FLVCR2: variants seen among roughly 807,000 people sequenced by gnomAD.
FLVCR2 encodes the protein FLVCR choline and putative heme transporter 2.
In FLVCR2, 38 loss-of-function variants were observed where a neutral mutation model predicts 48.9. The observed-to-expected ratio is 0.78, with a 90% CI of 0.60 to 1.02. The LOEUF (loss-of-function observed/expected upper bound fraction) is 1.02, where lower values mean the gene tolerates loss of function less well. Among genes scored for constraint, FLVCR2 ranks in the 50% least tolerant of loss-of-function variants. FLVCR2 has a pLI of 0.00. For synonymous variants in FLVCR2, 255 were observed against 257.0 expected (o/e 0.99, Z 0.07); for missense variants, 664 against 663.3 (o/e 1.00, Z -0.01).
chr14:75,640,956 T>C lies in FLVCR2; in HGVS notation c.1237T>C (p.Phe413Leu). 4 of 1,612,340 alleles carry C rather than the reference T, an allele frequency of 2.5e-6. No homozygotes were observed. Among genetic ancestry groups the C allele is most frequent in the Non-Finnish European group, 3.4e-6 (4 of 1,178,402 alleles). Residue 413 changes from phenylalanine (F) to leucine (L), a missense_variant and splice_region_variant, in exon 7 of 10, where the codon TTC (phenylalanine) becomes CTC (leucine). Transcript: ENST00000238667. The stretch of plus-strand genomic sequence containing the variant: ...TTGTTTCTCTGGTCTGGTCTTCAGC[T>C]TCTTTATGACTGGCTATCTCCCACT... ...VVFITAGTMG[F>L]FMTGYLPLGF...
intron 1 of FLVCR2, among the ~76,000 whole-genome samples, chr14:75,601,890 T>TA (rs1316396260): frequency 3.3e-5 from 5 of 152,180 alleles, no homozygotes; most frequent in African/African-American, 1.2e-4. Context: ...ATGAAATATA[T>TA]AAAAAACTTC....
Position 75,578,624 on chromosome 14 carries a change from G to A in FLVCR2, c.-349G>A, listed in dbSNP as rs1731859931. 2.6e-6 allele frequency: 1 copy of A among 378,360 alleles called. No homozygotes were observed. The highest frequency in any genetic ancestry group is 5.0e-6 in the Non-Finnish European group (1 of 200,234). The allele number at this position is 378,360 out of a possible 1,614,324, so 23.4% of individuals were successfully genotyped here. ...GAGGCCCCAAGCTGGCCCGGGAGAG[G>A]ACTCTGCGGGCGAAGTGGCTGCGCA... On this transcript the variant is annotated 5_prime_UTR_variant, in exon 1 of 10. Transcript: ENST00000238667.
chr14:75,643,717 T>G (rs917933220), intron 9 of FLVCR2, among the ~76,000 whole-genome samples: 1 of 152,184 alleles, frequency 6.6e-6, no homozygotes, highest in Non-Finnish European at 1.5e-5. Flanking sequence ...TTTAATTCTG[T>G]GTCAGGGCCA....
chr14:75,581,217 C>T (rs1454948594), intron 1 of FLVCR2, among the ~76,000 whole-genome samples: 5 of 152,078 alleles, frequency 3.3e-5, no homozygotes, highest in Non-Finnish European at 5.9e-5. Flanking sequence ...ACGGAAGACA[C>T]AAGGTCTGAA....
chr14:75,631,869 T>A (rs961370912), intron 3 of FLVCR2: 2 of 455,780 alleles, frequency 4.4e-6, no homozygotes, highest in African/African-American at 4.0e-5. Context: ...TTGAATGAGA[T>A]GTTGCTGAGA....
intron 6 of FLVCR2, among the ~76,000 whole-genome samples, chr14:75,640,209 A>G (rs1890275443): frequency 6.7e-6 from 1 of 150,248 alleles, no homozygotes; most frequent in African/African-American, 2.4e-5. Flanking sequence ...CAGTGAGCCA[A>G]GATCGAACTA....
intron 1 of FLVCR2, among the ~76,000 whole-genome samples, chr14:75,606,940 T>C (rs923568872): frequency 2.0e-5 from 3 of 151,154 alleles, no homozygotes; most frequent in African/African-American, 7.3e-5. Flanking sequence ...TGAGACCCTG[T>C]CTTAAGAAAA....
At chr14:75,637,746 G>GAAAGA (rs1281809499) in intron 5 of FLVCR2, among the ~76,000 whole-genome samples, 12 of 146,114 alleles carry the variant, frequency 8.2e-5, no homozygotes, top group Non-Finnish European at 1.5e-4. Context: ...AAAAAAAAAA[G>GAAAGA]AAAGAAAAGA....
chr14:75,623,112 G>C (rs1458553495), intron 2 of FLVCR2, among the ~76,000 whole-genome samples: 2 of 152,140 alleles, frequency 1.3e-5, no homozygotes, highest in Non-Finnish European at 2.9e-5. Flanking sequence ...CTCTCGAGTA[G>C]CTGAGATTAC....
chr14:75,613,539 A>ATTTCTT (rs1269255813), intron 1 of FLVCR2, among the ~76,000 whole-genome samples: 5 of 151,622 alleles, frequency 3.3e-5, no homozygotes, highest in African/African-American at 7.3e-5. Flanking sequence ...TCAACATGAG[A>ATTTCTT]TTTCTTTTTC....
chr14:75,594,761 C>A (rs1288498649), intron 1 of FLVCR2, among the ~76,000 whole-genome samples: 2 of 151,750 alleles, frequency 1.3e-5, no homozygotes, highest in Non-Finnish European at 1.5e-5. Context: ...CACTCTGTCA[C>A]CAGCTTGGAG....
intron 1 of FLVCR2, among the ~76,000 whole-genome samples, chr14:75,616,026 C>CTAAA (rs1889605154): frequency 3.9e-5 from 1 of 25,618 alleles, no homozygotes; most frequent in Non-Finnish European, 6.5e-5. Context: ...GACTCCATCT[C>CTAAA]AAAAAAAAAA....
At chr14:75,588,466 C>T (rs961365572) in intron 1 of FLVCR2, among the ~76,000 whole-genome samples, 11 of 152,162 alleles carry the variant, frequency 7.2e-5, no homozygotes, top group Non-Finnish European at 1.5e-4. Flanking sequence ...ATTTCCAACA[C>T]ATGAACTTTT....
intron 4 of FLVCR2, among the ~76,000 whole-genome samples, chr14:75,634,195 T>G (rs1890109608): frequency 6.6e-6 from 1 of 152,152 alleles, no homozygotes; most frequent in Non-Finnish European, 1.5e-5. Context: ...AATACGGAGA[T>G]GCAACCCTCT....
chr14:75,591,076 C>T lies in FLVCR2; in HGVS notation c.669+11435C>T, dbSNP rs116024887. Among the ~76,000 whole-genome samples the T allele has an allele frequency of 2.8e-3, 420 of 152,336 alleles. 2 individuals carry two copies. The highest frequency in any genetic ancestry group is 9.5e-3 in the African/African-American group (394 of 41,574). On this transcript the variant is annotated intron_variant, in intron 1 of 9. Transcript: ENST00000238667. ...ATTACCATTCAAACATAGGGTCTTG[C>T]TCTTTCACCCAGGCTGGACTGCTGT...
In FLVCR2 at chr14:75,579,477, C is replaced by T. The variant is rs764338702; in HGVS notation, c.505C>T (p.Leu169=). Residue 169 remains leucine, a synonymous_variant, in exon 1 of 10, where the codon CTG becomes TTG. Transcript: ENST00000238667. ...ALNCLGAWVK[L]GSLKPHLFPV... ...CAACTGCCTGGGGGCCTGGGTGAAG[C>T]TGGGCAGCCTGAAGCCGCATCTCTT... 8 of 1,613,344 alleles carry T rather than the reference C, an allele frequency of 5.0e-6. No homozygotes were observed. Among genetic ancestry groups the T allele is most frequent in the South Asian group, 1.1e-5 (1 of 91,080 alleles).
rs1312894639 is a variant in FLVCR2 at position 75,579,237 on chromosome 14, C to G, written c.265C>G (p.Leu89Val). 3.7e-6 allele frequency: 6 copies of G among 1,614,112 alleles called. No individual in the cohort carries two copies. In the South Asian group the frequency reaches 6.6e-5, roughly 18 times the overall value. The part of the protein sequence containing the change: ...KVSRRRWAVV[L>V]VFSCYSMCNS... Reference sequence around the variant, plus strand: ...GAGCAGGCGCCGTTGGGCCGTGGTCCTGGTGTTTAGCTGCTACTCCATGTG... The same window carrying G: ...GAGCAGGCGCCGTTGGGCCGTGGTCGTGGTGTTTAGCTGCTACTCCATGTG... Residue 89 changes from leucine to valine, a missense_variant, in exon 1 of 10, where the codon CTG becomes GTG. Transcript: ENST00000238667.
At chr14:75,632,904 T>A in intron 3 of FLVCR2, 1 of 702,364 alleles carries the variant, frequency 1.4e-6, no homozygotes, top group South Asian at 1.5e-5. Flanking sequence ...GCCATTGTCA[T>A]CATCATCATC....
At chr14:75,627,707 AT>A (rs1367515486) in intron 3 of FLVCR2, among the ~76,000 whole-genome samples, 1 of 152,250 alleles carries the variant, frequency 6.6e-6, no homozygotes, top group African/African-American at 2.4e-5. Flanking sequence ...TTGCCAGGGC[AT>A]TTGTTGAAAA....
Sources: gnomAD v4.1 joint callset for allele counts (sites outside exome capture counted in the v4.1 genomes callset) on GRCh38, gnomAD v4.1.1 for gene constraint, MANE v1.5 for transcripts, NCBI Gene and HGNC (gene_info 2026-07-23, HGNC 2026-07-21) for gene names.